ADCY10: variants seen among roughly 807,000 people sequenced by gnomAD.
The protein encoded by ADCY10 is adenylate cyclase type 10.
Under a neutral mutation model 183.3 loss-of-function variants are expected in ADCY10, and 156 were observed. The observed-to-expected ratio is 0.85, with a 90% CI of 0.75 to 0.97. ADCY10 has a LOEUF of 0.97. Ranked by LOEUF, ADCY10 falls within the 50% of genes least tolerant of loss-of-function variation. ADCY10 has a pLI of 0.00. For missense variants in ADCY10, 1,745 were observed against 1,934.3 expected, an observed-to-expected ratio of 0.90 and a Z score of 1.84; for synonymous variants, 645 against 670.0, an observed-to-expected ratio of 0.96 and a Z score of 0.58.
chr1:167,869,120 C>A (rs1470133418), intron 14 of ADCY10, among the ~76,000 whole-genome samples: 1 of 152,150 alleles, frequency 6.6e-6, no homozygotes, highest in Non-Finnish European at 1.5e-5. Context: ...GGCACATATG[C>A]CCGTACGAGT....
chr1:167,811,275 C>T (rs1160719660), intron 31 of ADCY10, among the ~76,000 whole-genome samples: 2 of 152,148 alleles, frequency 1.3e-5, no homozygotes, highest in East Asian at 3.8e-4. Flanking sequence ...GAAATAACCA[C>T]TTGGTCCTAG....
chr1:167,895,446 T>C (rs1055912863), intron 7 of ADCY10, among the ~76,000 whole-genome samples: 16 of 152,172 alleles, frequency 1.1e-4, no homozygotes, highest in African/African-American at 3.6e-4. Flanking sequence ...ATTTGTAACA[T>C]CTAAAATACT....
chr1:167,893,696 A>C (rs1186589204), intron 8 of ADCY10, among the ~76,000 whole-genome samples, 157 bp downstream of exon 8: 705 of 33,136 alleles, frequency 0.021, 1 homozygote, highest in African/African-American at 0.11. Context: ...ACTCTGTCTC[A>C]AAAAAAAAAA....
intron 4 of ADCY10, 52 bp downstream of exon 4, chr1:167,901,964 A>T: frequency 6.2e-7 from 1 of 1,609,146 alleles, no homozygotes. Flanking sequence ...ACAGAAGCAC[A>T]GGCACCTCAG....
chr1:167,859,304 T>A (rs74120515), intron 16 of ADCY10, among the ~76,000 whole-genome samples: 3,605 of 152,306 alleles, frequency 0.024, 143 homozygotes, highest in African/African-American at 0.082. Flanking sequence ...TGTTGAGTGT[T>A]TCTTATGAAA....
Position 167,837,011 on chromosome 1 carries a change from C to T in ADCY10, c.3077+238G>A, listed in dbSNP as rs369723106. ...TTGCACTCCAGCCTGGGTGACAGAGCGAGACTCCATCTTGAAAAAATAAAT... is the reference window on the plus strand; with the variant it reads ...TTGCACTCCAGCCTGGGTGACAGAGTGAGACTCCATCTTGAAAAAATAAAT... On this transcript the variant is annotated intron_variant, in intron 22 of 32. Coordinates refer to ENST00000367851, the MANE Select transcript of ADCY10 (RefSeq NM_018417.6). 822 of 483,176 alleles carry T rather than the reference C, an allele frequency of 1.7e-3. 4 individuals are homozygous for T. The highest frequency in any genetic ancestry group is 0.014 in the African/African-American group (727 of 50,680). 29.9% of individuals were successfully genotyped at this position (483,176 alleles called of 1,614,324 possible).
intron 18 of ADCY10, among the ~76,000 whole-genome samples, chr1:167,853,548 G>A (rs1665654289): frequency 6.6e-6 from 1 of 152,102 alleles, no homozygotes; most frequent in South Asian, 2.1e-4. Flanking sequence ...GCTCTATCTA[G>A]CCTTAATTCT....
intron 8 of ADCY10, among the ~76,000 whole-genome samples, chr1:167,888,318 T>C (rs1668363350): frequency 6.6e-6 from 1 of 152,186 alleles, no homozygotes; most frequent in African/African-American, 2.4e-5. Context: ...GTGAAGAATG[T>C]CATTGGTATT....
intron 12 of ADCY10, among the ~76,000 whole-genome samples, chr1:167,875,817 G>T (rs1667415471): frequency 6.6e-6 from 1 of 152,166 alleles, no homozygotes; most frequent in Non-Finnish European, 1.5e-5. Context: ...GCCAGGCATG[G>T]TGGCGGTTGC....
intron 1 of ADCY10, among the ~76,000 whole-genome samples, chr1:167,912,794 AG>A (rs1432568261): frequency 1.3e-5 from 2 of 152,192 alleles, no homozygotes; most frequent in Admixed American, 6.5e-5. Context: ...CACTCATCGG[AG>A]CCGTATCAAT....
At chr1:167,913,036 T>C (rs1670250148) in intron 1 of ADCY10, among the ~76,000 whole-genome samples, 1 of 152,228 alleles carries the variant, frequency 6.6e-6, no homozygotes, top group Non-Finnish European at 1.5e-5. Context: ...ACAAAAGATG[T>C]AGGTTTAATT....
At position 167,856,428 on chromosome 1, in the gene ADCY10, C is replaced by G. The variant is rs1274594504; in HGVS notation, c.1908G>C (p.Glu636Asp). ...FMKILKLIVK[E>D]ERIIFIIDEA... ...CATCAATGATAAAAATAATCCTTTC[C>G]TCTTTCACTATCTGGACAAGATGCA... Residue 636 changes from glutamate (E) to aspartate (D), a missense_variant, in exon 17 of 33, where the codon GAG becomes GAC. Coordinates refer to ENST00000367851, the MANE Select transcript of ADCY10 (RefSeq NM_018417.6). 6.2e-7 allele frequency: 1 copy of G among 1,614,168 alleles called. No homozygotes were observed.
At chr1:167,881,966 G>A (rs1462324673) in intron 9 of ADCY10, among the ~76,000 whole-genome samples, 1 of 152,190 alleles carries the variant, frequency 6.6e-6, no homozygotes, top group African/African-American at 2.4e-5. Flanking sequence ...CTTCCTGCCT[G>A]GTTGTGTCAA....
chr1:167,837,016 C>A (rs527818989), intron 22 of ADCY10: 5 of 505,406 alleles, frequency 9.9e-6, no homozygotes, highest in East Asian at 8.6e-5. Flanking sequence ...CAGAGCGAGA[C>A]TCCATCTTGA....
chr1:167,859,378 A>C lies in ADCY10; in HGVS notation c.1896+429T>G, dbSNP rs182834445. 1.8e-3 allele frequency among the ~76,000 whole-genome samples: 270 copies of C among 152,302 alleles called. 2 individuals carry two copies. The highest frequency in any genetic ancestry group is 3.2e-3 in the Non-Finnish European group (220 of 68,006). ...ATTTAAACTTACATCCCAGTGAGCT[A>C]CGTACTATTATTTTCCTCCATTTGA... On this transcript the variant is annotated intron_variant, in intron 16 of 32. Coordinates refer to ENST00000367851, the MANE Select transcript of ADCY10 (RefSeq NM_018417.6).
In ADCY10 at chr1:167,860,978, C is replaced by A. The variant is rs1447222478; in HGVS notation, c.1702G>T (p.Asp568Tyr). The A allele has an allele frequency of 1.2e-6, 2 of 1,614,024 alleles. No individual in the cohort carries two copies. The highest frequency in any genetic ancestry group is 1.7e-6 in the Non-Finnish European group (2 of 1,179,994). The change falls in exon 15 of 33, where the codon GAC becomes TAC. Residue 568 changes from aspartate (D) to tyrosine (Y), a missense_variant. Asp to Tyr is a radical substitution (Grantham distance 160). Coordinates refer to ENST00000367851, the MANE Select transcript of ADCY10 (RefSeq NM_018417.6). ...CGTTCTTTATAATGTTTACAAGTGT[C>A]TAGGCCTAGGACATTGGCCATGAAC... ...QMFMANVLGL[D>Y]TCKHYKERQT...
chr1:167,851,814 C>CAA (rs58140966), intron 18 of ADCY10, among the ~76,000 whole-genome samples: 4 of 128,300 alleles, frequency 3.1e-5, no homozygotes, highest in Admixed American at 7.9e-5. Flanking sequence ...CAGAGTGTCT[C>CAA]AAAAAAAAAA....
At chr1:167,884,747 G>T (rs2102284191) in intron 8 of ADCY10, among the ~76,000 whole-genome samples, 1 of 148,170 alleles carries the variant, frequency 6.7e-6, no homozygotes, top group African/African-American at 2.5e-5. Flanking sequence ...GCTCAGGCTG[G>T]AGTGCAGTGG....
chr1:167,846,185 G>A lies in ADCY10; in HGVS notation c.2516C>T (p.Thr839Ile). 2 of 1,614,206 alleles carry A rather than the reference G, an allele frequency of 1.2e-6. No homozygotes were observed. The highest frequency in any genetic ancestry group is 1.7e-6 in the Non-Finnish European group (2 of 1,180,040). ...LVRCAAIIGL[T>I]FTTELLFEIL... ...CTCAAACAACAACTCAGTGGTGAAG[G>A]TCAGGCCAATGATGGCAGCACATCT... Residue 839 changes from threonine to isoleucine, a missense_variant, in exon 20 of 33, where the codon ACC becomes ATC. Thr to Ile is a moderately conservative substitution (Grantham distance 89). Transcript: ENST00000367851.
Sources: gnomAD v4.1 joint callset for allele counts (sites outside exome capture counted in the v4.1 genomes callset) on GRCh38, gnomAD v4.1.1 for gene constraint, MANE v1.5 for transcripts, NCBI Gene and HGNC (gene_info 2026-07-23, HGNC 2026-07-21) for gene names.